Variants in GABRB3 observed in about 807,000 individuals in gnomAD.
GABRB3 encodes gamma-aminobutyric acid receptor subunit beta-3.
A neutral mutation model predicts 52.1 loss-of-function variants in GABRB3; 14 were observed. The ratio of observed to expected loss-of-function variants is 0.27; its 90% CI spans 0.18 to 0.42. The LOEUF (loss-of-function observed/expected upper bound fraction) is 0.42, where lower values mean the gene tolerates loss of function less well. Among genes scored for constraint, GABRB3 ranks in the 10% least tolerant of loss-of-function variants. The pLI is 1.00. For missense variants in GABRB3, 307 were observed against 609.1 expected, an observed-to-expected ratio of 0.50 and a Z score of 5.22; for synonymous variants, 260 against 232.3, an observed-to-expected ratio of 1.12 and a Z score of -1.08.
chr15:26,666,048 A>G (rs1887700939), intron 3 of GABRB3, among the ~76,000 whole-genome samples: 1 of 152,148 alleles, frequency 6.6e-6, no homozygotes, highest in Non-Finnish European at 1.5e-5. Context: ...ACACGCACAA[A>G]CATGCACACA....
At chr15:26,560,901 C>T (rs1431219022) in intron 8 of GABRB3, 31 bp downstream of exon 8, 1 of 1,612,728 alleles carries the variant, frequency 6.2e-7, no homozygotes, top group Non-Finnish European at 8.5e-7. Flanking sequence ...GCTGCAGGGA[C>T]CAGGTGGGGT....
At chr15:26,635,005 TATATA>T (rs1346368961) in intron 3 of GABRB3, among the ~76,000 whole-genome samples, 576 of 6,000 alleles carry the variant, frequency 0.096, 35 homozygotes, top group East Asian at 0.39. Flanking sequence ...TATATATATA[TATATA>T]ATATATATAT....
chr15:26,624,821 G>A (rs755101708), intron 3 of GABRB3: 9 of 985,228 alleles, frequency 9.1e-6, no homozygotes, highest in South Asian at 9.4e-5. Context: ...CTCCACTCTC[G>A]TGCAGCCGGG....
chr15:26,746,203 C>G (rs921619468), intron 3 of GABRB3, among the ~76,000 whole-genome samples: 1 of 150,670 alleles, frequency 6.6e-6, no homozygotes, highest in South Asian at 2.1e-4. Flanking sequence ...TTGCATTTTG[C>G]TAATGGCTAA....
intron 3 of GABRB3, among the ~76,000 whole-genome samples, chr15:26,761,388 C>A (rs552815648): frequency 7.5e-6 from 1 of 133,726 alleles, no homozygotes; most frequent in African/African-American, 3.0e-5. Context: ...CAGCAAGACT[C>A]CATCTCAAAA....
rs1318862028 is a variant in GABRB3, at chr15:26,606,780, AGATAT to A, written c.461+14529_461+14533del. On this transcript the variant is annotated intron_variant, in intron 4 of 8. Coordinates refer to ENST00000311550, the MANE Select transcript of GABRB3 (RefSeq NM_000814.6). The stretch of plus-strand genomic sequence containing the variant: ...CATATCTGTCTATCTATAGATAGAT[AGATAT>A]ATCTATAGATAGATATATCTATAGA... Among the ~76,000 whole-genome samples, 3 of 131,952 alleles carry A rather than the reference AGATAT, an allele frequency of 2.3e-5. 1 individual carries two copies. The highest frequency in any genetic ancestry group is 7.7e-5 in the African/African-American group (3 of 38,716). The allele number at this position is 131,952 out of a possible 152,430, so 86.6% of individuals were successfully genotyped here.
intron 3 of GABRB3, among the ~76,000 whole-genome samples, chr15:26,705,259 G>C (rs1027122314): frequency 6.6e-6 from 1 of 152,164 alleles, no homozygotes; most frequent in African/African-American, 2.4e-5. Context: ...GGAACCAACT[G>C]CCTTTATCAA....
intron 8 of GABRB3, among the ~76,000 whole-genome samples, chr15:26,550,306 A>C (rs909011783): frequency 1.4e-4 from 21 of 152,314 alleles, no homozygotes; most frequent in Admixed American, 8.5e-4. Context: ...GCCCAAAATC[A>C]AATAATCCCA....
At chr15:26,697,522 A>T (rs1380005435) in intron 3 of GABRB3, among the ~76,000 whole-genome samples, 1 of 152,102 alleles carries the variant, frequency 6.6e-6, no homozygotes, top group Non-Finnish European at 1.5e-5. Flanking sequence ...ACACTCTCTC[A>T]GGTCCTTCTC....
chr15:26,559,160 C>A (rs1210921585), intron 8 of GABRB3, among the ~76,000 whole-genome samples: 2 of 152,212 alleles, frequency 1.3e-5, no homozygotes, highest in African/African-American at 4.8e-5. Context: ...TGGGTGGGGA[C>A]ACAGATTCCT....
intron 4 of GABRB3, among the ~76,000 whole-genome samples, chr15:26,593,789 A>G (rs932952455): frequency 6.6e-6 from 1 of 151,796 alleles, no homozygotes; most frequent in African/African-American, 2.4e-5. Context: ...TGGCGTAAAA[A>G]TATCTGTTTG....
At chr15:26,648,285 G>A (rs1393566964) in intron 3 of GABRB3, among the ~76,000 whole-genome samples, 2 of 152,130 alleles carry the variant, frequency 1.3e-5, no homozygotes, top group African/African-American at 4.8e-5. Flanking sequence ...ATATCCTTAA[G>A]GTTCATCCAT....
intron 3 of GABRB3, among the ~76,000 whole-genome samples, chr15:26,667,355 G>A (rs1887748611): frequency 1.3e-5 from 2 of 152,118 alleles, no homozygotes; most frequent in Non-Finnish European, 1.5e-5. Context: ...CACAGTCCGG[G>A]ACATTTTCAT....
chr15:26,772,502 A>G, intron 2 of GABRB3, 33 bp from the exon 3 acceptor site: 1 of 1,603,338 alleles, frequency 6.2e-7, no homozygotes, highest in Non-Finnish European at 8.5e-7. Context: ...CGATCAGCCC[A>G]GCTCCGGCGC....
chr15:26,603,836 C>G (rs1891672914), intron 4 of GABRB3, among the ~76,000 whole-genome samples: 1 of 152,064 alleles, frequency 6.6e-6, no homozygotes, highest in African/African-American at 2.4e-5. Context: ...TGGGGAAAAA[C>G]TGAAAGCCTC....
intron 8 of GABRB3, 107 bp from the exon 9 acceptor site, chr15:26,548,241 G>GAAACTGTAC (rs1158052916): frequency 2.2e-6 from 2 of 893,792 alleles, no homozygotes; most frequent in Non-Finnish European, 3.7e-6. Flanking sequence ...TGTTTTACGA[G>GAAACTGTAC]AAACTGTACA....
chr15:26,665,198 A>G (rs1283206182), intron 3 of GABRB3, among the ~76,000 whole-genome samples: 1 of 152,196 alleles, frequency 6.6e-6, no homozygotes, highest in African/African-American at 2.4e-5. Flanking sequence ...TATTCATTGT[A>G]TCCATCTGTA....
chr15:26,676,167 T>C (rs1354026639), intron 3 of GABRB3, among the ~76,000 whole-genome samples: 1 of 152,236 alleles, frequency 6.6e-6, no homozygotes. Context: ...CCTGAGTTGT[T>C]AAGCAATGAA....
chr15:26,555,627 T>G (rs2140666206), intron 8 of GABRB3, among the ~76,000 whole-genome samples: 1 of 152,338 alleles, frequency 6.6e-6, no homozygotes, highest in Admixed American at 6.5e-5. Context: ...TGGACATGTA[T>G]GACTAACTGG....
Sources: allele counts gnomAD v4.1 joint callset (sites outside exome capture counted in the v4.1 genomes callset), GRCh38; gene constraint gnomAD v4.1.1; transcripts MANE v1.5; gene names NCBI Gene and HGNC (gene_info 2026-07-23, HGNC 2026-07-21).